MAD1L1: variants seen among roughly 807,000 people sequenced by gnomAD.
The protein encoded by MAD1L1 is mitotic arrest deficient 1 like 1, also known as mitotic spindle assembly checkpoint protein MAD1.
Under a neutral mutation model 96.9 loss-of-function variants are expected in MAD1L1, and 95 were observed. The ratio of observed to expected loss-of-function variants is 0.98; its 90% CI spans 0.83 to 1.16. The LOEUF (loss-of-function observed/expected upper bound fraction) is 1.16. Among genes scored for constraint, MAD1L1 ranks in the 50% most tolerant of loss-of-function variants. The probability of loss-of-function intolerance (pLI) is 0.00; values close to 1 mark genes in which losing one functional copy is unlikely to be tolerated. For synonymous variants in MAD1L1, 473 were observed against 396.6 expected, an observed-to-expected ratio of 1.19 and a Z score of -2.29; for missense variants, 1,007 against 954.4, an observed-to-expected ratio of 1.06 and a Z score of -0.73.
At chr7:1,936,471 C>T (rs1269792799) in intron 17 of MAD1L1, among the ~76,000 whole-genome samples, 3 of 152,234 alleles carry the variant, frequency 2.0e-5, no homozygotes, top group Non-Finnish European at 2.9e-5. Context: ...CCTGCAGACT[C>T]GGATGGCTCC....
At chr7:2,017,630 A>T (rs868036147) in intron 12 of MAD1L1, among the ~76,000 whole-genome samples, 8 of 152,324 alleles carry the variant, frequency 5.3e-5, no homozygotes, top group Middle Eastern at 6.8e-3. Context: ...CACTCCAATC[A>T]GAGGGAACAG....
chr7:2,007,727 G>A (rs1782098751), intron 13 of MAD1L1, among the ~76,000 whole-genome samples: 1 of 152,186 alleles, frequency 6.6e-6, no homozygotes, highest in Admixed American at 6.5e-5. Flanking sequence ...CCTGGATGTA[G>A]AGCCCAAAGG....
chr7:2,153,186 G>A (rs1291888175), intron 10 of MAD1L1, among the ~76,000 whole-genome samples: 1 of 152,112 alleles, frequency 6.6e-6, no homozygotes, highest in African/African-American at 2.4e-5. Context: ...ATAGACAAAT[G>A]GGACTACATC....
intron 12 of MAD1L1, among the ~76,000 whole-genome samples, chr7:2,023,863 C>T (rs374831221): frequency 1.3e-5 from 2 of 152,014 alleles, no homozygotes; most frequent in East Asian, 1.9e-4. Flanking sequence ...GCAGGAGAAT[C>T]GCTTGAACCT....
intron 14 of MAD1L1, among the ~76,000 whole-genome samples, chr7:1,985,637 T>C (rs986516865): frequency 6.6e-6 from 1 of 152,258 alleles, no homozygotes; most frequent in Non-Finnish European, 1.5e-5. Context: ...GACACTTCTT[T>C]TTGAATACAT....
intron 10 of MAD1L1, among the ~76,000 whole-genome samples, chr7:2,157,045 C>G (rs150241648): frequency 6.6e-6 from 1 of 152,160 alleles, no homozygotes; most frequent in Non-Finnish European, 1.5e-5. Context: ...TGGTCCAAGT[C>G]TAAAAGAAGA....
intron 4 of MAD1L1, among the ~76,000 whole-genome samples, chr7:2,225,194 G>A (rs780456783): frequency 4.0e-5 from 6 of 148,974 alleles, no homozygotes; most frequent in East Asian, 1.9e-4. Flanking sequence ...CTTCCAGCCA[G>A]CTGGGTTCTC....
chr7:2,231,282 G>GTT (rs1794178468), intron 1 of MAD1L1, among the ~76,000 whole-genome samples: 2 of 150,532 alleles, frequency 1.3e-5, no homozygotes, highest in Non-Finnish European at 3.0e-5. Context: ...TGGGTAACGG[G>GTT]GTGAGACAGT....
chr7:1,886,949 C>T (rs375384711), intron 18 of MAD1L1, among the ~76,000 whole-genome samples: 118 of 152,390 alleles, frequency 7.7e-4, no homozygotes, highest in African/African-American at 2.8e-3. Context: ...AGTCCTGCCC[C>T]GCAGGTTCCT....
At chr7:1,876,634 A>C (rs970563000) in intron 18 of MAD1L1, among the ~76,000 whole-genome samples, 2 of 151,872 alleles carry the variant, frequency 1.3e-5, no homozygotes. Context: ...TATATGCTTA[A>C]AACTTTCCAT....
chr7:2,112,499 G>C (rs562367976), intron 11 of MAD1L1, among the ~76,000 whole-genome samples: 2 of 152,212 alleles, frequency 1.3e-5, no homozygotes, highest in African/African-American at 4.8e-5. Flanking sequence ...CTGCACCCTC[G>C]CAAGTCAACC....
intron 16 of MAD1L1, among the ~76,000 whole-genome samples, chr7:1,955,976 T>C (rs1779710462): frequency 7.4e-5 from 1 of 13,472 alleles, no homozygotes; most frequent in Non-Finnish European, 1.5e-4. Context: ...TGAGGGCAAG[T>C]AAGGTGGGTG....
chr7:1,886,546 G>A (rs1786042662), intron 18 of MAD1L1, among the ~76,000 whole-genome samples: 1 of 152,200 alleles, frequency 6.6e-6, no homozygotes, highest in African/African-American at 2.4e-5. Flanking sequence ...TGGCACGGGC[G>A]GGAGAGGGCC....
chr7:1,954,802 G>A (rs1331762722), intron 16 of MAD1L1, among the ~76,000 whole-genome samples: 8 of 152,184 alleles, frequency 5.3e-5, no homozygotes, highest in African/African-American at 7.2e-5. Flanking sequence ...GCCAGCCACC[G>A]TCCGTGGGTG....
intron 14 of MAD1L1, among the ~76,000 whole-genome samples, chr7:2,001,808 A>G (rs1349414234): frequency 6.6e-6 from 1 of 152,134 alleles, no homozygotes; most frequent in East Asian, 1.9e-4. Flanking sequence ...TGCGGCAAAC[A>G]TGTCACTGGC....
At chr7:2,180,707 T>C (rs1459574947) in intron 10 of MAD1L1, among the ~76,000 whole-genome samples, 1 of 152,192 alleles carries the variant, frequency 6.6e-6, no homozygotes, top group Non-Finnish European at 1.5e-5. Flanking sequence ...TATTAAACAT[T>C]ATCTTATATT....
intron 11 of MAD1L1, among the ~76,000 whole-genome samples, chr7:2,117,454 C>T (rs184016036): frequency 5.6e-4 from 86 of 152,320 alleles, no homozygotes; most frequent in African/African-American, 2.0e-3. Context: ...ACTGTGTCCC[C>T]ACCCAAATCT....
chr7:2,060,282 C>G (rs999259461), intron 12 of MAD1L1, among the ~76,000 whole-genome samples: 8 of 94,214 alleles, frequency 8.5e-5, no homozygotes, highest in African/African-American at 1.2e-4. Context: ...TGCCGAGATA[C>G]GCCGATCCCG....
Position 2,215,924 on chromosome 7 carries a change from C to A in MAD1L1, c.885G>T (p.Lys295Asn). ...CCAAGCCAACCAGCGTCTCCTGCAT[C>A]TTCTCCTGGCGCCCCAGCTTCCTCT... ...GLQRKLGRQEKMQETLVGLEL... is the reference protein window; with the variant it reads ...GLQRKLGRQENMQETLVGLEL... Residue 295 changes from lysine (K) to asparagine (N), a missense_variant, in exon 9 of 19, where the codon AAG (lysine) becomes AAT (asparagine). By Grantham distance (94) the Lys-to-Asn change is moderately conservative. Transcript: ENST00000265854. 1.9e-6 allele frequency: 3 copies of A among 1,614,232 alleles called. No homozygotes were observed. Among genetic ancestry groups the A allele is most frequent in the Non-Finnish European group, 2.5e-6 (3 of 1,180,042 alleles).
Sources: gnomAD v4.1 joint callset for allele counts (sites outside exome capture counted in the v4.1 genomes callset) on GRCh38, gnomAD v4.1.1 for gene constraint, MANE v1.5 for transcripts, NCBI Gene and HGNC (gene_info 2026-07-23, HGNC 2026-07-21) for gene names.